Variants in ARHGAP20 observed in about 807,000 individuals in gnomAD.
The protein encoded by ARHGAP20 is rho GTPase-activating protein 20.
A neutral mutation model predicts 73.7 loss-of-function variants in ARHGAP20; 34 were observed. The observed-to-expected ratio is 0.46, with a 90% CI of 0.35 to 0.61. The LOEUF is 0.61. Ranked by LOEUF, ARHGAP20 falls within the 20% of genes least tolerant of loss-of-function variation. The pLI, the probability that ARHGAP20 is intolerant of heterozygous loss-of-function variation, is 0.00. For synonymous variants in ARHGAP20, 523 were observed against 518.2 expected, an observed-to-expected ratio of 1.01 and a Z score of -0.13; for missense variants, 1,314 against 1,420.9, an observed-to-expected ratio of 0.92 and a Z score of 1.21.
intron 9 of ARHGAP20, among the ~76,000 whole-genome samples, chr11:110,604,662 C>T (rs1012613220): frequency 2.0e-5 from 3 of 152,092 alleles, no homozygotes; most frequent in Non-Finnish European, 1.5e-5. Context: ...CAGTGTTCCC[C>T]TTTCAAAATT....
intron 2 of ARHGAP20, among the ~76,000 whole-genome samples, chr11:110,688,816 T>C (rs1473676697): frequency 6.6e-6 from 1 of 152,154 alleles, no homozygotes; most frequent in Non-Finnish European, 1.5e-5. Flanking sequence ...GGAGTTTACA[T>C]TTCTTGATCA....
rs538207229 is a variant in ARHGAP20, at chr11:110,660,578, G to A, written c.189-29786C>T. Among the ~76,000 whole-genome samples the A allele has an allele frequency of 8.6e-5, 13 of 151,724 alleles. No individual in the cohort carries two copies. In the South Asian group the frequency reaches 2.5e-3, roughly 29 times the overall value. On this transcript the variant is annotated intron_variant, in intron 2 of 14. Coordinates refer to ENST00000683387, the MANE Select transcript of ARHGAP20 (RefSeq NM_001384657.1). ...CAGAGCCAATTTTTCCAAGCCCATC[G>A]ACAGATCTACCCTGCCTCCTATACC...
chr11:110,644,887 T>C (rs200249614), intron 2 of ARHGAP20, among the ~76,000 whole-genome samples: 3 of 152,154 alleles, frequency 2.0e-5, no homozygotes, highest in East Asian at 1.9e-4. Flanking sequence ...TCACAAACTA[T>C]GCATCTGACA....
chr11:110,692,427 T>C (rs1459280487), intron 1 of ARHGAP20, among the ~76,000 whole-genome samples: 1 of 152,138 alleles, frequency 6.6e-6, no homozygotes, highest in Non-Finnish European at 1.5e-5. Flanking sequence ...ACAGGACCAA[T>C]TTACTACTTT....
Position 110,640,191 on chromosome 11 carries a change from C to G in ARHGAP20, c.189-9399G>C, listed in dbSNP as rs78327242. 3.4e-3 allele frequency among the ~76,000 whole-genome samples: 510 copies of G among 152,120 alleles called. 3 individuals are homozygous for G. The highest frequency in any genetic ancestry group is 0.011 in the African/African-American group (475 of 41,548). ...CTCATAACCTATAGTTTATAATGAA[C>G]TCCTAACTGGATTCTCTAATTTTTA... On this transcript the variant is annotated intron_variant, in intron 2 of 14. Coordinates refer to ENST00000683387, the MANE Select transcript of ARHGAP20 (RefSeq NM_001384657.1).
At chr11:110,639,605 C>T (rs1949039965) in intron 2 of ARHGAP20, among the ~76,000 whole-genome samples, 1 of 151,944 alleles carries the variant, frequency 6.6e-6, no homozygotes, top group African/African-American at 2.4e-5. Context: ...CAGTCATTCC[C>T]CATTCCCCCT....
Position 110,577,221 on chromosome 11 carries a change from A to G in ARHGAP20, c.*2149T>C. The G allele has an allele frequency of 6.6e-7, 1 of 1,508,066 alleles. No individual in the cohort carries two copies. Among genetic ancestry groups the G allele is most frequent in the Middle Eastern group, 1.7e-4 (1 of 5,882 alleles). 93.4% of individuals were successfully genotyped at this position (1,508,066 alleles called of 1,614,324 possible). On this transcript the variant is annotated 3_prime_UTR_variant, in exon 15 of 15. Coordinates refer to ENST00000683387, the MANE Select transcript of ARHGAP20 (RefSeq NM_001384657.1). ...TAAAATTTGTCAAGATATATTATAC[A>G]AACTCAAAGCATTTTAGATAAAGCA...
intron 2 of ARHGAP20, among the ~76,000 whole-genome samples, chr11:110,634,529 G>T (rs1242018744): frequency 6.6e-6 from 1 of 152,104 alleles, no homozygotes; most frequent in Non-Finnish European, 1.5e-5. Flanking sequence ...CATTGACTCA[G>T]CTTCCTCCTC....
At position 110,611,470 on chromosome 11, in the gene ARHGAP20, G is replaced by A. The variant is rs73553973; in HGVS notation, c.631-84C>T. 1.1e-3 allele frequency: 723 copies of A among 661,378 alleles called. 4 individuals carry two copies. The African/African-American group carries it at 0.013, about 12-fold the overall frequency. 41.0% of individuals were successfully genotyped at this position (661,378 alleles called of 1,614,324 possible). A position where few individuals can be genotyped will look rare whatever the true frequency, so the allele number is the denominator to read the frequency against. ...AAATAATCATTGTCAAATGATTATC[G>A]AAAGGCAAATATTGATTTCAAATGT... On this transcript the variant is annotated intron_variant, in intron 6 of 14. Transcript: ENST00000683387.
chr11:110,646,932 A>G (rs996612081), intron 2 of ARHGAP20, among the ~76,000 whole-genome samples: 30 of 152,268 alleles, frequency 2.0e-4, no homozygotes, highest in African/African-American at 7.0e-4. Context: ...GTGGAAGCAC[A>G]TAACAGATAC....
At position 110,578,686 on chromosome 11, in the gene ARHGAP20, A is replaced by G. The variant is rs1947350485; in HGVS notation, c.*684T>C. On this transcript the variant is annotated 3_prime_UTR_variant, in exon 15 of 15. Transcript: ENST00000683387. The stretch of plus-strand genomic sequence containing the variant: ...CTGAAGCCTTGCAAAGCACTTCAAC[A>G]TGAATGAAAAAACAAACCGACAAAT... 8.1e-6 allele frequency: 8 copies of G among 985,302 alleles called. No homozygotes were observed. The highest frequency in any genetic ancestry group is 9.6e-6 in the Non-Finnish European group (8 of 829,950). 61.0% of individuals were successfully genotyped at this position (985,302 alleles called of 1,614,324 possible).
intron 7 of ARHGAP20, among the ~76,000 whole-genome samples, chr11:110,610,405 C>A (rs1257203590): frequency 6.6e-6 from 1 of 152,014 alleles, no homozygotes; most frequent in Non-Finnish European, 1.5e-5. Context: ...TAAGACATGC[C>A]ATAGTATTCT....
chr11:110,642,718 T>C (rs1949102185), intron 2 of ARHGAP20, among the ~76,000 whole-genome samples: 1 of 152,178 alleles, frequency 6.6e-6, no homozygotes, highest in South Asian at 2.1e-4. Flanking sequence ...TGTGTCTATG[T>C]TCCTCAAGGA....
intron 3 of ARHGAP20, among the ~76,000 whole-genome samples, chr11:110,628,477 TA>T (rs1948792115): frequency 6.6e-6 from 1 of 152,150 alleles, no homozygotes; most frequent in Admixed American, 6.5e-5. Flanking sequence ...ATCAATTTCC[TA>T]AAAAATGGTG....
intron 2 of ARHGAP20, among the ~76,000 whole-genome samples, chr11:110,687,035 CATAT>C (rs142490183): frequency 0.018 from 2,171 of 121,960 alleles, 70 homozygotes; most frequent in East Asian, 0.034. Flanking sequence ...AAGATTAAAA[CATAT>C]ATATATATAT....
At chr11:110,699,022 T>C (rs1348716435) in intron 1 of ARHGAP20, among the ~76,000 whole-genome samples, 2 of 151,958 alleles carry the variant, frequency 1.3e-5, no homozygotes, top group Non-Finnish European at 2.9e-5. Context: ...AAATTTAAGA[T>C]CTTTCTATCT....
At chr11:110,704,465 C>G (rs1273256756) in intron 1 of ARHGAP20, among the ~76,000 whole-genome samples, 1 of 152,124 alleles carries the variant, frequency 6.6e-6, no homozygotes, top group African/African-American at 2.4e-5. Context: ...CTCAGCACAC[C>G]ACTGACCTAC....
At chr11:110,662,449 C>G (rs1949635897) in intron 2 of ARHGAP20, among the ~76,000 whole-genome samples, 1 of 151,892 alleles carries the variant, frequency 6.6e-6, no homozygotes, top group Admixed American at 6.6e-5. Flanking sequence ...TATGGCTATA[C>G]ATTATTATTA....
At chr11:110,607,733 C>T (rs1455159959) in intron 8 of ARHGAP20, among the ~76,000 whole-genome samples, 1 of 152,164 alleles carries the variant, frequency 6.6e-6, no homozygotes, top group African/African-American at 2.4e-5. Context: ...AAACAGCCGG[C>T]AGCTAATCTA....
Sources: gnomAD v4.1 joint callset for allele counts (sites outside exome capture counted in the v4.1 genomes callset) on GRCh38, gnomAD v4.1.1 for gene constraint, MANE v1.5 for transcripts, NCBI Gene and HGNC (gene_info 2026-07-23, HGNC 2026-07-21) for gene names.